Variants in SCAPER observed in about 807,000 individuals in gnomAD.
SCAPER encodes S-phase cyclin A associated protein in the ER, also known as S phase cyclin A-associated protein in the endoplasmic reticulum.
In SCAPER, 98 loss-of-function variants were observed where a neutral mutation model predicts 182.2. That is an observed-to-expected ratio of 0.54 (90% confidence interval 0.46 to 0.64). The LOEUF (loss-of-function observed/expected upper bound fraction) is 0.64, where lower values mean the gene tolerates loss of function less well. Among genes scored for constraint, SCAPER ranks in the 30% least tolerant of loss-of-function variants. SCAPER has a pLI of 0.00. For missense variants in SCAPER, 1,432 were observed against 1,690.0 expected (o/e 0.85, Z 2.68); for synonymous variants, 605 against 564.6 (o/e 1.07, Z -1.01).
At chr15:76,805,743 G>A (rs1238212864) in intron 5 of SCAPER, among the ~76,000 whole-genome samples, 2 of 151,480 alleles carry the variant, frequency 1.3e-5, no homozygotes, top group East Asian at 1.9e-4. Flanking sequence ...AATTTTTTCT[G>A]TTTTTAGTAG....
chr15:76,729,252 T>C lies in SCAPER; in HGVS notation c.2023-515A>G, dbSNP rs8037292. Among the ~76,000 whole-genome samples, 1,224 of 150,112 alleles carry C rather than the reference T, an allele frequency of 8.2e-3. 14 individuals are homozygous for C. Among genetic ancestry groups the C allele is most frequent in the African/African-American group, 0.029 (1,160 of 40,494 alleles). ...AATACTTAATAAACTCATATATATA[T>C]ATGTTTTATATATATATACACACAC... On this transcript the variant is annotated intron_variant, in intron 16 of 31. Transcript: ENST00000563290.
intron 20 of SCAPER, among the ~76,000 whole-genome samples, chr15:76,669,873 T>C (rs2056888793): frequency 6.6e-6 from 1 of 152,192 alleles, no homozygotes; most frequent in African/African-American, 2.4e-5. Context: ...TTGTGAAAGA[T>C]CCAAATTATA....
chr15:76,621,940 C>T (rs1266740369), intron 21 of SCAPER, 111 bp from the exon 22 acceptor site: 3 of 702,974 alleles, frequency 4.3e-6, no homozygotes, highest in Non-Finnish European at 7.2e-6. Context: ...CCTATTAAAT[C>T]TGGTGATTGA....
At chr15:76,760,208 A>C (rs2062693135) in intron 14 of SCAPER, among the ~76,000 whole-genome samples, 1 of 152,168 alleles carries the variant, frequency 6.6e-6, no homozygotes, top group Non-Finnish European at 1.5e-5. Context: ...TTCAGATGCT[A>C]ATCACAAGTC....
chr15:76,609,621 A>G (rs116694614), intron 22 of SCAPER, among the ~76,000 whole-genome samples: 5,051 of 152,294 alleles, frequency 0.033, 257 homozygotes, highest in African/African-American at 0.11. Context: ...TAATTCCAAC[A>G]TTTCTGCTGT....
At chr15:76,474,239 G>A (rs576195768) in intron 24 of SCAPER, among the ~76,000 whole-genome samples, 3 of 152,214 alleles carry the variant, frequency 2.0e-5, no homozygotes, top group Admixed American at 6.5e-5. Context: ...TGCAGCCAGA[G>A]TTATTTGTTC....
intron 14 of SCAPER, among the ~76,000 whole-genome samples, chr15:76,762,898 C>T (rs970851740): frequency 6.6e-6 from 1 of 152,130 alleles, no homozygotes; most frequent in Non-Finnish European, 1.5e-5. Context: ...CTCATGTGAT[C>T]CTCCCACCTC....
At chr15:76,534,082 C>T (rs1174714289) in intron 23 of SCAPER, among the ~76,000 whole-genome samples, 3 of 152,198 alleles carry the variant, frequency 2.0e-5, no homozygotes, top group Admixed American at 2.0e-4. Context: ...CAATTGGTCA[C>T]TATAGTGAGC....
At chr15:76,642,865 G>C (rs1432592818) in intron 21 of SCAPER, among the ~76,000 whole-genome samples, 1 of 152,090 alleles carries the variant, frequency 6.6e-6, no homozygotes, top group Non-Finnish European at 1.5e-5. Flanking sequence ...TCACCATTTA[G>C]GGTACTACCA....
intron 21 of SCAPER, among the ~76,000 whole-genome samples, chr15:76,637,565 G>C (rs973724337): frequency 1.3e-5 from 2 of 151,702 alleles, no homozygotes; most frequent in African/African-American, 2.4e-5. Flanking sequence ...AATTAGCCAG[G>C]TATGGTGGTG....
intron 25 of SCAPER, among the ~76,000 whole-genome samples, chr15:76,453,562 C>T (rs2048519609): frequency 6.6e-6 from 1 of 152,166 alleles, no homozygotes; most frequent in Admixed American, 6.5e-5. Context: ...AGAAGCAACG[C>T]TGTGTTATTT....
At chr15:76,853,643 A>T (rs1198565043) in intron 4 of SCAPER, among the ~76,000 whole-genome samples, 1 of 152,232 alleles carries the variant, frequency 6.6e-6, no homozygotes, top group East Asian at 1.9e-4. Flanking sequence ...CTCTCAATAA[A>T]TGAGATATTA....
rs112511157 is a variant in SCAPER, at chr15:76,705,159, T to C, written c.2247+744A>G. 4.4e-3 allele frequency among the ~76,000 whole-genome samples: 663 copies of C among 151,840 alleles called. 4 individuals carry two copies. Among genetic ancestry groups the C allele is most frequent in the Non-Finnish European group, 5.4e-3 (369 of 67,936 alleles). On this transcript the variant is annotated intron_variant, in intron 18 of 31. Transcript: ENST00000563290. ...TTGGAACCAACCCAAATGTCCAACA[T>C]TGATAGACTGGATTAAGAAAATGTG... is the stretch of plus-strand genomic sequence containing the variant.
At chr15:76,744,365 G>A (rs999848520) in intron 15 of SCAPER, among the ~76,000 whole-genome samples, 6 of 152,056 alleles carry the variant, frequency 3.9e-5, no homozygotes, top group Admixed American at 2.0e-4. Flanking sequence ...TACAGAATGG[G>A]AGACAATATT....
intron 25 of SCAPER, among the ~76,000 whole-genome samples, chr15:76,441,915 A>C (rs1261310366): frequency 6.6e-6 from 1 of 152,178 alleles, no homozygotes; most frequent in Non-Finnish European, 1.5e-5. Flanking sequence ...CATGTAGTAG[A>C]TGTTCACTAA....
chr15:76,765,799 T>G (rs894760252), intron 11 of SCAPER, among the ~76,000 whole-genome samples, 161 bp from the exon 12 acceptor site: 1 of 152,314 alleles, frequency 6.6e-6, no homozygotes, highest in African/African-American at 2.4e-5. Context: ...ATCAAAATAA[T>G]TGCCAAGTTA....
chr15:76,759,647 C>A (rs903369189), intron 14 of SCAPER, among the ~76,000 whole-genome samples: 1 of 152,114 alleles, frequency 6.6e-6, no homozygotes, highest in Non-Finnish European at 1.5e-5. Flanking sequence ...CCTTCTATAC[C>A]TAGTATGTTG....
At chr15:76,363,192 TA>T (rs1478727407) in intron 29 of SCAPER, among the ~76,000 whole-genome samples, 4 of 152,204 alleles carry the variant, frequency 2.6e-5, no homozygotes, top group Non-Finnish European at 5.9e-5. Context: ...AAGCCCCCTA[TA>T]TTCACTGCTG....
chr15:76,746,737 T>C (rs1021506450), intron 15 of SCAPER, among the ~76,000 whole-genome samples: 6 of 152,042 alleles, frequency 3.9e-5, no homozygotes, highest in Admixed American at 2.0e-4. Flanking sequence ...CAATGAATAA[T>C]CAAAAATGAA....
Sources: gnomAD v4.1 joint callset for allele counts (sites outside exome capture counted in the v4.1 genomes callset) on GRCh38, gnomAD v4.1.1 for gene constraint, MANE v1.5 for transcripts, NCBI Gene and HGNC (gene_info 2026-07-23, HGNC 2026-07-21) for gene names.